Variants in EP300 observed in about 807,000 individuals in gnomAD.
The protein encoded by EP300 is histone acetyltransferase p300.
In EP300, 31 loss-of-function variants were observed where a neutral mutation model predicts 264.0. That is an observed-to-expected ratio of 0.12 (90% confidence interval 0.09 to 0.16). The LOEUF (loss-of-function observed/expected upper bound fraction) is 0.16, where lower values mean the gene tolerates loss of function less well. EP300 is among the 10% of genes least tolerant of loss of function. The pLI is 1.00. For missense variants in EP300, 2,766 were observed against 3,052.9 expected (o/e 0.91, Z 2.21); for synonymous variants, 1,340 against 1,045.4 (o/e 1.28, Z -5.44).
At chr22:41,096,690 C>T (rs1169240701) in intron 1 of EP300, among the ~76,000 whole-genome samples, 1 of 146,652 alleles carries the variant, frequency 6.8e-6, no homozygotes, top group Non-Finnish European at 1.5e-5. Context: ...TCGATCTTGG[C>T]TCACTGCAAT....
In EP300 at chr22:41,092,673, G is replaced by A. The variant is rs1168166824; in HGVS notation, c.-332G>A. 6.5e-6 allele frequency: 4 copies of A among 619,986 alleles called. No individual in the cohort carries two copies. The highest frequency in any genetic ancestry group is 8.7e-6 in the Non-Finnish European group (3 of 343,612). The allele number at this position is 619,986 out of a possible 1,614,324, so 38.4% of individuals were successfully genotyped here. A position where few individuals can be genotyped will look rare whatever the true frequency, so the allele number is the denominator to read the frequency against. ...GAGAGACCTCGGCTGGGCAGGGGCC[G>A]GCCGTGGCGGGCCGGGGACTGCGCC... is the stretch of plus-strand genomic sequence containing the variant. On this transcript the variant is annotated 5_prime_UTR_variant, in exon 1 of 31. Transcript: ENST00000263253.
rs977159933 is a variant in EP300 at position 41,092,703 on chromosome 22, G to A, written c.-302G>A. 4 of 619,388 alleles carry A rather than the reference G, an allele frequency of 6.5e-6. No homozygotes were observed. The highest frequency in any genetic ancestry group is 1.2e-5 in the Non-Finnish European group (4 of 341,852). 38.4% of individuals were successfully genotyped at this position (619,388 alleles called of 1,614,324 possible). On this transcript the variant is annotated 5_prime_UTR_variant, in exon 1 of 31. It removes the in-frame stop codon of an upstream open reading frame in the 5' UTR. Transcript: ENST00000263253. ...TGGCGGGCCGGGGACTGCGCCTCTAGAGCCGCGAGTTCTCGGGAATTCGCC... is the reference window on the plus strand; with the variant it reads ...TGGCGGGCCGGGGACTGCGCCTCTAAAGCCGCGAGTTCTCGGGAATTCGCC...
chr22:41,160,609 C>T (rs759844085), intron 19 of EP300, 33 bp from the exon 20 acceptor site: 7 of 1,607,298 alleles, frequency 4.4e-6, no homozygotes, highest in Middle Eastern at 1.7e-4. Context: ...GTGAACGGAA[C>T]AGTTCACCCC....
intron 22 of EP300, 42 bp from the exon 23 acceptor site, chr22:41,166,557 G>T (rs748555789): frequency 1.3e-6 from 2 of 1,509,490 alleles, no homozygotes; most frequent in Admixed American, 3.4e-5. Context: ...AAATTCAACG[G>T]TTTATCTAAG....
intron 1 of EP300, among the ~76,000 whole-genome samples, chr22:41,114,281 C>A (rs1222779497): frequency 6.6e-6 from 1 of 152,094 alleles, no homozygotes; most frequent in Non-Finnish European, 1.5e-5. Flanking sequence ...TCCCAAGCTG[C>A]CGCTATCCTC....
intron 6 of EP300, among the ~76,000 whole-genome samples, chr22:41,135,408 T>C (rs1306067347): frequency 6.6e-6 from 1 of 152,292 alleles, no homozygotes; most frequent in Admixed American, 6.5e-5. Flanking sequence ...GCACAATTAT[T>C]TGAATGATAA....
intron 1 of EP300, among the ~76,000 whole-genome samples, chr22:41,114,824 GAA>G (rs11387442): frequency 2.7e-5 from 4 of 147,914 alleles, no homozygotes; most frequent in South Asian, 4.3e-4. Context: ...GGATTGGGAA[GAA>G]AAAAAAAAAC....
chr22:41,124,452 T>C (rs1013784950), intron 2 of EP300, among the ~76,000 whole-genome samples: 3 of 152,116 alleles, frequency 2.0e-5, no homozygotes, highest in Non-Finnish European at 4.4e-5. Context: ...AAAGGACATA[T>C]TCCCAAACCA....
At chr22:41,154,941 A>T (rs368133404) in intron 16 of EP300, 54 bp from the exon 17 acceptor site, 3 of 1,212,698 alleles carry the variant, frequency 2.5e-6, no homozygotes, top group African/African-American at 3.0e-5. Flanking sequence ...ATGATTTTTT[A>T]AAGTTCTTCT....
At chr22:41,111,959 C>G (rs1192694929) in intron 1 of EP300, among the ~76,000 whole-genome samples, 2 of 131,752 alleles carry the variant, frequency 1.5e-5, no homozygotes, top group African/African-American at 5.5e-5. Flanking sequence ...GCGATGTCCA[C>G]TCACTGCAAG....
chr22:41,165,717 T>A (rs935544557), intron 22 of EP300, among the ~76,000 whole-genome samples: 58 of 151,436 alleles, frequency 3.8e-4, no homozygotes, highest in African/African-American at 1.4e-3. Flanking sequence ...CCACTGCACC[T>A]GGCACATTTT....
chr22:41,161,804 C>T (rs1601627691), intron 20 of EP300, among the ~76,000 whole-genome samples: 1 of 152,194 alleles, frequency 6.6e-6, no homozygotes, highest in Middle Eastern at 3.4e-3. Flanking sequence ...AAAAATGGGG[C>T]TTCTGAGAAA....
chr22:41,158,105 A>G (rs560536310), intron 18 of EP300, among the ~76,000 whole-genome samples: 2 of 151,788 alleles, frequency 1.3e-5, no homozygotes, highest in South Asian at 4.2e-4. Context: ...CTGGTCTGGA[A>G]CTCTTGGGCT....
chr22:41,156,652 G>A (rs2059079064), intron 17 of EP300, among the ~76,000 whole-genome samples: 2 of 152,148 alleles, frequency 1.3e-5, no homozygotes, highest in Admixed American at 1.3e-4. Context: ...ACGACCCTGG[G>A]AGGCAGAGGT....
chr22:41,129,834 T>A, intron 4 of EP300, 56 bp from the exon 5 acceptor site: 1 of 1,336,122 alleles, frequency 7.5e-7, no homozygotes, highest in South Asian at 1.2e-5. Flanking sequence ...AAGTTAGCTA[T>A]TATTAATGTA....
At chr22:41,156,051 G>C (rs1352208930) in intron 17 of EP300, among the ~76,000 whole-genome samples, 1 of 151,890 alleles carries the variant, frequency 6.6e-6, no homozygotes, top group Non-Finnish European at 1.5e-5. Context: ...CACTCTTGTT[G>C]CCCAGGCTAG....
chr22:41,099,109 A>G (rs1041987035), intron 1 of EP300, among the ~76,000 whole-genome samples: 4 of 152,112 alleles, frequency 2.6e-5, no homozygotes, highest in South Asian at 4.1e-4. Flanking sequence ...CTGTTGCCCA[A>G]GCTGGAGTAC....
At chr22:41,132,769 T>G (rs1423020734) in intron 6 of EP300, among the ~76,000 whole-genome samples, 1 of 152,178 alleles carries the variant, frequency 6.6e-6, no homozygotes, top group Non-Finnish European at 1.5e-5. Flanking sequence ...AGTTTTTTTG[T>G]GACTTGTTTG....
rs367677575 is a variant in EP300, at chr22:41,110,120, C to CT, written c.95-7067_95-7066insT. Among the ~76,000 whole-genome samples the CT allele has an allele frequency of 2.3e-3, 271 of 119,140 alleles. 21 individuals carry two copies. In the Middle Eastern group the frequency reaches 0.031, roughly 14 times the overall value. The allele number at this position is 119,140 out of a possible 152,430, so 78.2% of individuals were successfully genotyped here. ...CACTGTGCCCATCCTGTTCCCTGCC[C>CT]CCCCCCCCTTTTTTTTTAAGTTATT... On this transcript the variant is annotated intron_variant, in intron 1 of 30. Coordinates refer to ENST00000263253, the MANE Select transcript of EP300 (RefSeq NM_001429.4).
Sources: gnomAD v4.1 joint callset for allele counts (sites outside exome capture counted in the v4.1 genomes callset) on GRCh38, gnomAD v4.1.1 for gene constraint, MANE v1.5 for transcripts, NCBI Gene and HGNC (gene_info 2026-07-23, HGNC 2026-07-21) for gene names.